ACYP2: variants seen among roughly 807,000 people sequenced by gnomAD.
ACYP2 encodes the protein acylphosphatase 2, also known as acylphosphatase-2.
ACYP2 carries 12 observed loss-of-function variants against 11.2 expected under a neutral mutation model. The observed-to-expected ratio is 1.08, with a 90% CI of 0.69 to 1.74. The LOEUF (loss-of-function observed/expected upper bound fraction) is 1.74. Ranked by LOEUF, ACYP2 falls within the 40% of genes most tolerant of loss-of-function variation. The pLI is 0.00. For missense variants in ACYP2, 134 were observed against 101.9 expected (o/e 1.31, Z -1.35); for synonymous variants, 43 against 32.2 (o/e 1.33, Z -1.13).
chr2:53,986,064 T>G (rs926605317), intron 2 of ACYP2, among the ~76,000 whole-genome samples: 1 of 151,814 alleles, frequency 6.6e-6, no homozygotes, highest in Non-Finnish European at 1.5e-5. Flanking sequence ...GAGGCAGAGG[T>G]TGCTGTGAGC....
intron 5 of ACYP2, among the ~76,000 whole-genome samples, chr2:54,137,437 C>G (rs985284507): frequency 7.9e-5 from 12 of 152,166 alleles, no homozygotes; most frequent in Non-Finnish European, 1.2e-4. Flanking sequence ...TCCTCCCACT[C>G]TCCACCCTCA....
chr2:54,163,836 C>T (rs1332830772), intron 6 of ACYP2, among the ~76,000 whole-genome samples: 2 of 151,880 alleles, frequency 1.3e-5, no homozygotes, highest in Admixed American at 6.6e-5. Flanking sequence ...AGCCTGGCCA[C>T]CAAGAGCAAA....
At position 54,255,543 on chromosome 2, in the gene ACYP2, G is replaced by T. The variant is rs779765749; in HGVS notation, c.405-49145G>T. The T allele has an allele frequency of 3.1e-6, 5 of 1,613,212 alleles. No homozygotes were observed. The African/African-American group carries it at 4.0e-5, about 13-fold the overall frequency. On this transcript the variant is annotated intron_variant, in intron 6 of 6. Transcript: ENST00000607452. Reference sequence around the variant, plus strand: ...GTTCCAGCTGGATGGACTCCAGGGGGTTCAGGTGGAGACCCACGTTCAGGG... The same window carrying T: ...GTTCCAGCTGGATGGACTCCAGGGGTTTCAGGTGGAGACCCACGTTCAGGG...
chr2:54,118,288 G>T (rs10181332), intron 4 of ACYP2, among the ~76,000 whole-genome samples: 8 of 152,138 alleles, frequency 5.3e-5, no homozygotes, highest in Non-Finnish European at 1.2e-4. Context: ...TGTAAAATAC[G>T]AAAGTGGTGG....
chr2:54,228,116 T>C (rs1686085664), intron 6 of ACYP2, among the ~76,000 whole-genome samples: 1 of 152,222 alleles, frequency 6.6e-6, no homozygotes, highest in Non-Finnish European at 1.5e-5. Context: ...TATTTGCAGG[T>C]AATGAATTTC....
At chr2:54,058,781 AG>A (rs1676303489) in intron 4 of ACYP2, among the ~76,000 whole-genome samples, 1 of 139,634 alleles carries the variant, frequency 7.2e-6, no homozygotes, top group East Asian at 2.2e-4. Flanking sequence ...TATTGGTCTT[AG>A]GGTGAAGGGG....
chr2:53,987,249 G>A (rs1672079996), intron 2 of ACYP2, among the ~76,000 whole-genome samples: 1 of 152,086 alleles, frequency 6.6e-6, no homozygotes, highest in Non-Finnish European at 1.5e-5. Flanking sequence ...CTCCATCTGG[G>A]AGATGGTTAC....
intron 6 of ACYP2, among the ~76,000 whole-genome samples, chr2:54,157,688 T>C (rs1264301206): frequency 1.3e-5 from 2 of 152,234 alleles, no homozygotes; most frequent in Middle Eastern, 6.3e-3. Flanking sequence ...ATAAACAAGA[T>C]ACAAGATACT....
At position 54,000,603 on chromosome 2, in the gene ACYP2, A is replaced by G. The variant is rs183686774; in HGVS notation, c.62+26793A>G. Among the ~76,000 whole-genome samples, 483 of 152,368 alleles carry G rather than the reference A, an allele frequency of 3.2e-3. 7 individuals are homozygous for G. Among genetic ancestry groups the G allele is most frequent in the East Asian group, 8.3e-3 (43 of 5,188 alleles). On this transcript the variant is annotated intron_variant, in intron 2 of 6. Coordinates refer to ENST00000607452, the MANE Select transcript of ACYP2 (RefSeq NM_001320586.2). ...AATTAATTTTTCACTCATACTGCAC[A>G]TTAATTGAGAAGTGACAGAGATCTG...
intron 6 of ACYP2, among the ~76,000 whole-genome samples, chr2:54,223,961 G>A (rs1657672796): frequency 6.6e-6 from 1 of 152,064 alleles, no homozygotes; most frequent in Non-Finnish European, 1.5e-5. Flanking sequence ...CCTAATTAAA[G>A]AGAATGAGTA....
chr2:54,032,657 G>A (rs1465525893), intron 2 of ACYP2, among the ~76,000 whole-genome samples: 1 of 152,052 alleles, frequency 6.6e-6, no homozygotes, highest in Non-Finnish European at 1.5e-5. Flanking sequence ...TTCCAATTCT[G>A]TGAAGAAAGT....
At chr2:54,015,779 G>C (rs1263786496) in intron 2 of ACYP2, among the ~76,000 whole-genome samples, 1 of 152,074 alleles carries the variant, frequency 6.6e-6, no homozygotes, top group African/African-American at 2.4e-5. Context: ...GTGACAGTTT[G>C]AGAGGCCCAG....
intron 6 of ACYP2, among the ~76,000 whole-genome samples, chr2:54,153,049 G>C (rs1558572864): frequency 6.6e-6 from 1 of 151,824 alleles, no homozygotes; most frequent in African/African-American, 2.4e-5. Flanking sequence ...ATAATTATAG[G>C]GTACACAGTT....
At chr2:54,283,753 A>G (rs1337638275) in intron 6 of ACYP2, among the ~76,000 whole-genome samples, 1 of 152,254 alleles carries the variant, frequency 6.6e-6, no homozygotes, top group East Asian at 1.9e-4. Flanking sequence ...GTCTACCCAT[A>G]CAATGGAAGA....
intron 6 of ACYP2, among the ~76,000 whole-genome samples, chr2:54,171,155 G>C (rs991311457): frequency 6.6e-6 from 1 of 152,146 alleles, no homozygotes; most frequent in African/African-American, 2.4e-5. Context: ...TGATCAGCAG[G>C]GGACAGGCTG....
intron 4 of ACYP2, among the ~76,000 whole-genome samples, chr2:54,061,682 A>T (rs890182198): frequency 6.6e-6 from 1 of 152,208 alleles, no homozygotes; most frequent in African/African-American, 2.4e-5. Flanking sequence ...GTTACCATGC[A>T]TGTTAGTTTC....
chr2:54,074,091 G>C (rs1379577746), intron 4 of ACYP2, among the ~76,000 whole-genome samples: 1 of 152,168 alleles, frequency 6.6e-6, no homozygotes, highest in Admixed American at 6.5e-5. Flanking sequence ...TGTAATCCCA[G>C]CACTTTTGGA....
intron 4 of ACYP2, among the ~76,000 whole-genome samples, chr2:54,087,614 G>A (rs1431583836): frequency 6.6e-6 from 1 of 152,172 alleles, no homozygotes; most frequent in Non-Finnish European, 1.5e-5. Flanking sequence ...GCCTCCCACA[G>A]TGCTGGGATT....
chr2:54,299,609 GA>G (rs1689646941), intron 6 of ACYP2, among the ~76,000 whole-genome samples: 1 of 145,068 alleles, frequency 6.9e-6, no homozygotes, highest in Non-Finnish European at 1.5e-5. Context: ...AAAAAAAAAA[GA>G]AAAGAAAAAA....
Sources: gnomAD v4.1 joint callset for allele counts (sites outside exome capture counted in the v4.1 genomes callset) on GRCh38, gnomAD v4.1.1 for gene constraint, MANE v1.5 for transcripts, NCBI Gene and HGNC (gene_info 2026-07-23, HGNC 2026-07-21) for gene names.